Variants in TRIP12 observed in about 807,000 individuals in gnomAD.
TRIP12 encodes E3 ubiquitin-protein ligase TRIP12.
A neutral mutation model predicts 244.2 loss-of-function variants in TRIP12; 25 were observed. That is an observed-to-expected ratio of 0.10 (90% CI 0.07 to 0.14). The LOEUF (loss-of-function observed/expected upper bound fraction) is 0.14, where lower values mean the gene tolerates loss of function less well. Among genes scored for constraint, TRIP12 ranks in the 10% least tolerant of loss-of-function variants. The probability of loss-of-function intolerance (pLI) is 1.00; values close to 1 mark genes in which losing one functional copy is unlikely to be tolerated. For missense variants in TRIP12, 1,677 were observed against 2,486.4 expected, an observed-to-expected ratio of 0.67 and a Z score of 6.92; for synonymous variants, 905 against 873.1, an observed-to-expected ratio of 1.04 and a Z score of -0.64.
chr2:229,904,457 G>A (rs1220852725), intron 1 of TRIP12, among the ~76,000 whole-genome samples: 2 of 150,536 alleles, frequency 1.3e-5, no homozygotes, highest in Non-Finnish European at 2.9e-5. Context: ...TGACAAAAAG[G>A]GAAAGATTTT....
intron 4 of TRIP12, among the ~76,000 whole-genome samples, chr2:229,849,935 CAA>C (rs34774134): frequency 4.2e-5 from 6 of 143,748 alleles, no homozygotes; most frequent in Admixed American, 1.4e-4. Flanking sequence ...TAATACACAC[CAA>C]AAAAAAAAAA....
intron 1 of TRIP12, among the ~76,000 whole-genome samples, chr2:229,884,116 A>AC (rs1560110672): frequency 6.6e-6 from 1 of 151,914 alleles, no homozygotes; most frequent in African/African-American, 2.4e-5. Context: ...CAAAAAAAAA[A>AC]CCCAAAAACC....
At chr2:229,803,434 C>G (rs2045009672) in intron 20 of TRIP12, 137 bp downstream of exon 20, 3 of 587,398 alleles carry the variant, frequency 5.1e-6, no homozygotes, top group Non-Finnish European at 8.6e-6. Context: ...ATTCTACGTA[C>G]ACAGAGCTAT....
intron 1 of TRIP12, among the ~76,000 whole-genome samples, chr2:229,914,090 C>T (rs550449620): frequency 6.6e-6 from 1 of 152,162 alleles, no homozygotes; most frequent in African/African-American, 2.4e-5. Context: ...ATCCCAGCTA[C>T]TCAGGAGGCT....
At chr2:229,838,157 T>G (rs1187815584) in intron 5 of TRIP12, among the ~76,000 whole-genome samples, 1 of 152,160 alleles carries the variant, frequency 6.6e-6, no homozygotes, top group Admixed American at 6.6e-5. Context: ...CTGGAAGAGT[T>G]TATTCTCATT....
chr2:229,767,756 T>G lies in TRIP12; in HGVS notation c.6008-6A>C. 1 of 1,599,542 alleles carries G rather than the reference T, an allele frequency of 6.3e-7. No individual in the cohort carries two copies. Among genetic ancestry groups the G allele is most frequent in the Non-Finnish European group, 8.5e-7 (1 of 1,175,420 alleles). Reference sequence around the variant, plus strand: ...TGGATTCAAACTCCGGAATCCTGATTAAGAGAAAAAGAAAGACAAGGAACT... The same window carrying G: ...TGGATTCAAACTCCGGAATCCTGATGAAGAGAAAAAGAAAGACAAGGAACT... On this transcript the variant is annotated splice_polypyrimidine_tract_variant and splice_region_variant and intron_variant, in intron 41 of 41. Transcript: ENST00000675903.
At chr2:229,847,601 C>A (rs958231253) in intron 4 of TRIP12, among the ~76,000 whole-genome samples, 2 of 152,190 alleles carry the variant, frequency 1.3e-5, no homozygotes, top group Non-Finnish European at 2.9e-5. Flanking sequence ...GGGCTAAATG[C>A]ACTGGGAAGT....
chr2:229,879,171 A>T (rs1258479785), intron 2 of TRIP12, among the ~76,000 whole-genome samples: 1 of 152,104 alleles, frequency 6.6e-6, no homozygotes, highest in African/African-American at 2.4e-5. Flanking sequence ...AGGATTTTTA[A>T]GCCTCAGAAG....
At chr2:229,799,129 C>T in intron 22 of TRIP12, 80 bp from the exon 23 acceptor site, 1 of 1,560,828 alleles carries the variant, frequency 6.4e-7, no homozygotes, top group Non-Finnish European at 8.8e-7. Context: ...GATTCACAGT[C>T]TTAACAGATT....
Position 229,766,136 on chromosome 2 carries a change from T to C in TRIP12, c.*1418A>G, listed in dbSNP as rs1308099673. 6.6e-6 allele frequency: 1 copy of C among 152,206 alleles called. No homozygotes were observed. The highest frequency in any genetic ancestry group is 1.5e-5 in the Non-Finnish European group (1 of 68,038). The allele number at this position is 152,206 out of a possible 1,614,324, so 9.4% of individuals were successfully genotyped here. A position where few individuals can be genotyped will look rare whatever the true frequency, so the allele number is the denominator to read the frequency against. ...AAAAAAAAAACTAGCTCATCTCTTA[T>C]TTTCAAGGAGATGAATTATGGAAAA... On this transcript the variant is annotated 3_prime_UTR_variant, in exon 42 of 42. Transcript: ENST00000675903.
At chr2:229,794,241 T>C (rs530662621) in intron 26 of TRIP12, among the ~76,000 whole-genome samples, 9 of 152,250 alleles carry the variant, frequency 5.9e-5, no homozygotes, top group African/African-American at 1.7e-4. Flanking sequence ...CAAACAAAGT[T>C]TTTTAAATGT....
intron 1 of TRIP12, among the ~76,000 whole-genome samples, chr2:229,899,069 G>A (rs1006692153): frequency 6.6e-6 from 1 of 152,090 alleles, no homozygotes; most frequent in African/African-American, 2.4e-5. Context: ...AAGTAAAAGA[G>A]AAAAACATTA....
At position 229,776,028 on chromosome 2, in the gene TRIP12, A is replaced by G. The variant is rs538793813; in HGVS notation, c.5529+1287T>C. ...GCGGCATACTGCATTTGAGACAAGC[A>G]TATATCACAGAGCTTGCATGGTGTG... is the stretch of plus-strand genomic sequence containing the variant. On this transcript the variant is annotated intron_variant, in intron 37 of 41. Coordinates refer to ENST00000675903, the MANE Select transcript of TRIP12 (RefSeq NM_001348323.3). 3.3e-5 allele frequency among the ~76,000 whole-genome samples: 5 copies of G among 152,252 alleles called. No homozygotes were observed. The South Asian group carries it at 8.3e-4, about 25-fold the overall frequency.
intron 4 of TRIP12, 37 bp from the exon 5 acceptor site, chr2:229,840,964 G>T: frequency 7.1e-7 from 1 of 1,405,436 alleles, no homozygotes; most frequent in South Asian, 1.3e-5. Context: ...ATTTTATAAT[G>T]AGAAATTATC....
intron 11 of TRIP12, chr2:229,814,539 G>T: frequency 2.5e-6 from 1 of 407,924 alleles, no homozygotes. Context: ...TGAAAAATAT[G>T]TTTTACATAA....
chr2:229,922,660 G>A (rs376734071), upstream of TRIP12: 302 of 1,588,674 alleles, frequency 1.9e-4, no homozygotes, highest in African/African-American at 3.1e-3. Context: ...ACCTGGCCCG[G>A]TTGGGGCCCG....
At chr2:229,880,319 G>A (rs920765461) in intron 1 of TRIP12, among the ~76,000 whole-genome samples, 191 bp from the exon 2 acceptor site, 2 of 152,164 alleles carry the variant, frequency 1.3e-5, no homozygotes, top group Admixed American at 6.5e-5. Flanking sequence ...GTCAGGGTAC[G>A]TGTAACATAT....
intron 8 of TRIP12, among the ~76,000 whole-genome samples, chr2:229,825,275 T>C (rs2051239844): frequency 6.6e-6 from 1 of 152,156 alleles, no homozygotes; most frequent in South Asian, 2.1e-4. Context: ...GACCTAAATA[T>C]GAATTGGTGG....
chr2:229,774,016 G>A, intron 38 of TRIP12, 81 bp downstream of exon 38: 1 of 1,466,688 alleles, frequency 6.8e-7, no homozygotes, highest in Non-Finnish European at 9.3e-7. Context: ...GCCATAGCGT[G>A]TGCAGCCAGA....
Sources: allele counts gnomAD v4.1 joint callset (sites outside exome capture counted in the v4.1 genomes callset), GRCh38; gene constraint gnomAD v4.1.1; transcripts MANE v1.5; gene names NCBI Gene and HGNC (gene_info 2026-07-23, HGNC 2026-07-21).